TRIO: variants seen among roughly 807,000 people sequenced by gnomAD.
TRIO encodes the protein triple functional domain protein.
TRIO carries 58 observed loss-of-function variants against 351.9 expected under a neutral mutation model. The ratio of observed to expected loss-of-function variants is 0.16; its 90% CI spans 0.13 to 0.21. The LOEUF (loss-of-function observed/expected upper bound fraction) is 0.21, where lower values mean the gene tolerates loss of function less well. TRIO is among the 10% of genes least tolerant of loss of function. The pLI, the probability that TRIO is intolerant of heterozygous loss-of-function variation, is 1.00. For missense variants in TRIO, 3,201 were observed against 4,027.8 expected (o/e 0.79, Z 5.56); for synonymous variants, 1,758 against 1,595.7 (o/e 1.10, Z -2.42).
intron 1 of TRIO, among the ~76,000 whole-genome samples, chr5:14,251,083 T>G (rs1794715114): frequency 6.6e-6 from 1 of 152,172 alleles, no homozygotes; most frequent in Non-Finnish European, 1.5e-5. Context: ...GTGTGAGCCC[T>G]CAGCCACTGA....
chr5:14,183,023 G>A (rs1365024421), intron 1 of TRIO, among the ~76,000 whole-genome samples: 1 of 152,154 alleles, frequency 6.6e-6, no homozygotes, highest in African/African-American at 2.4e-5. Context: ...GCAGGCCTCT[G>A]GGCAGCACCA....
intron 1 of TRIO, among the ~76,000 whole-genome samples, chr5:14,165,865 C>T (rs1788734113): frequency 6.6e-6 from 1 of 152,254 alleles, no homozygotes; most frequent in Non-Finnish European, 1.5e-5. Context: ...GAACGCCAAC[C>T]ATCCTGGGAT....
chr5:14,170,290 A>G (rs924898710), intron 1 of TRIO, among the ~76,000 whole-genome samples: 6 of 152,184 alleles, frequency 3.9e-5, no homozygotes, highest in African/African-American at 1.4e-4. Context: ...AAAAAATTCA[A>G]TGGAGAGATT....
intron 34 of TRIO, among the ~76,000 whole-genome samples, chr5:14,460,121 T>C (rs1464052416): frequency 6.6e-6 from 1 of 152,116 alleles, no homozygotes; most frequent in Non-Finnish European, 1.5e-5. Flanking sequence ...TTTCACCATG[T>C]TAGCCAGGAT....
intron 11 of TRIO, among the ~76,000 whole-genome samples, chr5:14,351,399 C>G (rs116065337): frequency 0.033 from 5,030 of 152,300 alleles, 133 homozygotes; most frequent in Non-Finnish European, 0.042. Context: ...CATTGAAACT[C>G]CTACTTCTGC....
At chr5:14,468,089 G>A (rs1013181656) in intron 37 of TRIO, among the ~76,000 whole-genome samples, 8 of 152,204 alleles carry the variant, frequency 5.3e-5, no homozygotes, top group African/African-American at 1.9e-4. Flanking sequence ...TGTTTAAATT[G>A]TATTGCATTT....
chr5:14,303,852 A>G (rs421174), intron 7 of TRIO, among the ~76,000 whole-genome samples: 1,971 of 152,272 alleles, frequency 0.013, 41 homozygotes, highest in African/African-American at 0.045. Flanking sequence ...ATTCACAGAG[A>G]AGTTCAGGCC....
intron 34 of TRIO, among the ~76,000 whole-genome samples, chr5:14,443,286 A>G (rs1420325385): frequency 6.6e-6 from 1 of 152,156 alleles, no homozygotes; most frequent in Non-Finnish European, 1.5e-5. Flanking sequence ...TGATCACTTC[A>G]CCATAAAGGA....
chr5:14,501,676 T>C (rs906593817), intron 53 of TRIO, among the ~76,000 whole-genome samples: 3 of 152,234 alleles, frequency 2.0e-5, no homozygotes, highest in African/African-American at 7.2e-5. Flanking sequence ...GGAAACGCAT[T>C]CCCAGTGACA....
Position 14,419,964 on chromosome 5 carries a change from C to T in TRIO, c.5146C>T (p.Leu1716=). The change falls in exon 34 of 57, where the codon CTG becomes TTG. Residue 1716 remains leucine, a synonymous_variant. Coordinates refer to ENST00000344204, the MANE Select transcript of TRIO (RefSeq NM_007118.4). The part of the protein sequence containing the change: ...AAEGLVPCGS[L]CIAHSRSSME... Reference sequence around the variant, plus strand: ...AGAAGGCCTGGTCCCCTGTGGTTCACTGTGCATCGCCCACTCCAGAAGTAG... The same window carrying T: ...AGAAGGCCTGGTCCCCTGTGGTTCATTGTGCATCGCCCACTCCAGAAGTAG... 1 of 1,614,274 alleles carries T rather than the reference C, an allele frequency of 6.2e-7. No individual in the cohort carries two copies. Among genetic ancestry groups the T allele is most frequent in the Non-Finnish European group, 8.5e-7 (1 of 1,180,046 alleles).
At chr5:14,457,622 G>C (rs1378053516) in intron 34 of TRIO, among the ~76,000 whole-genome samples, 1 of 152,024 alleles carries the variant, frequency 6.6e-6, no homozygotes, top group African/African-American at 2.4e-5. Context: ...TAAGTGTCCT[G>C]GGAATCATCC....
chr5:14,218,460 G>A (rs1792366012), intron 1 of TRIO, among the ~76,000 whole-genome samples: 1 of 152,204 alleles, frequency 6.6e-6, no homozygotes, highest in Non-Finnish European at 1.5e-5. Context: ...AAGGACCTGA[G>A]CTGAGTCTCT....
In TRIO at chr5:14,374,307, G is replaced by C; in HGVS notation, c.3295G>C (p.Val1099Leu). The C allele has an allele frequency of 6.2e-7, 1 of 1,613,562 alleles. No individual in the cohort carries two copies. The highest frequency in any genetic ancestry group is 8.5e-7 in the Non-Finnish European group (1 of 1,179,664). ...HRNSVNMPGM[V>L]THIKAPEQQV... ...GAACAGCGTGAACATGCCAGGAATG[G>C]TGACGCACATCAAAGCTCCTGAACA... The change falls in exon 19 of 57, where the codon GTG becomes CTG. Residue 1099 changes from valine (V) to leucine (L), a missense_variant. Transcript: ENST00000344204.
chr5:14,305,516 C>T (rs758671465), intron 8 of TRIO, among the ~76,000 whole-genome samples: 3 of 152,318 alleles, frequency 2.0e-5, no homozygotes, highest in Admixed American at 1.3e-4. Flanking sequence ...GAAAGATTAT[C>T]GCAAGGCTTC....
intron 34 of TRIO, among the ~76,000 whole-genome samples, chr5:14,450,007 A>G (rs11742681): frequency 6.6e-6 from 1 of 152,236 alleles, no homozygotes; most frequent in Non-Finnish European, 1.5e-5. Context: ...TGAGAGGAAA[A>G]ATGATGCTCA....
Position 14,228,380 on chromosome 5 carries a change from G to T in TRIO, c.158-42445G>T, listed in dbSNP as rs552920281. On this transcript the variant is annotated intron_variant, in intron 1 of 56. Transcript: ENST00000344204. ...ACATGTGAGCCTGTGGTTGACAAAA[G>T]TACGTCATGCATTTCAGAGTGCGTA... is the stretch of plus-strand genomic sequence containing the variant. Among the ~76,000 whole-genome samples the T allele has an allele frequency of 3.9e-5, 6 of 152,310 alleles. No homozygotes were observed. The East Asian group carries it at 1.2e-3, about 29-fold the overall frequency.
intron 48 of TRIO, chr5:14,488,700 G>C (rs1237243012): frequency 1.4e-5 from 8 of 555,022 alleles, no homozygotes; most frequent in Non-Finnish European, 2.6e-5. Flanking sequence ...TTATCTTTGC[G>C]GCATTTTTGA....
At chr5:14,428,778 C>T (rs1428467834) in intron 34 of TRIO, among the ~76,000 whole-genome samples, 3 of 152,172 alleles carry the variant, frequency 2.0e-5, no homozygotes, top group African/African-American at 4.8e-5. Context: ...CAATGAGAAA[C>T]GGTCTTCCCA....
At chr5:14,325,936 G>A (rs375843516) in intron 9 of TRIO, among the ~76,000 whole-genome samples, 14 of 152,286 alleles carry the variant, frequency 9.2e-5, no homozygotes, top group Non-Finnish European at 1.3e-4. Context: ...TTGTGACAGC[G>A]TCATTTCCTA....
Sources: gnomAD v4.1 joint callset for allele counts (sites outside exome capture counted in the v4.1 genomes callset) on GRCh38, gnomAD v4.1.1 for gene constraint, MANE v1.5 for transcripts, NCBI Gene and HGNC (gene_info 2026-07-23, HGNC 2026-07-21) for gene names.